Variants in RAB39A observed in about 807,000 individuals in gnomAD.
RAB39A encodes RAB39A, member RAS oncogene family, also known as ras-related protein Rab-39A.
Under a neutral mutation model 20.9 loss-of-function variants are expected in RAB39A, and 17 were observed. The observed-to-expected ratio is 0.81, with a 90% CI of 0.56 to 1.22. The LOEUF (loss-of-function observed/expected upper bound fraction) is 1.22. Ranked by LOEUF, RAB39A falls within the 50% of genes most tolerant of loss-of-function variation. RAB39A has a pLI of 0.00. For missense variants in RAB39A, 234 were observed against 270.5 expected, an observed-to-expected ratio of 0.87 and a Z score of 0.95; for synonymous variants, 99 against 103.4, an observed-to-expected ratio of 0.96 and a Z score of 0.26.
chr11:107,939,086 A>G (rs994049658), intron 1 of RAB39A, among the ~76,000 whole-genome samples: 7 of 151,776 alleles, frequency 4.6e-5, no homozygotes, highest in Admixed American at 4.6e-4. Flanking sequence ...TACTAAAAAT[A>G]GAAAAAAATT....
At position 107,962,226 on chromosome 11, in the gene RAB39A, A is replaced by G. The variant is rs774659501; in HGVS notation, c.508A>G (p.Ile170Val). ...DATNVEESFTILTRDIYELIK... is the reference protein window; with the variant it reads ...DATNVEESFTVLTRDIYELIK... The stretch of plus-strand genomic sequence containing the variant: ...TACAAATGTTGAAGAATCCTTCACA[A>G]TCTTGACGAGAGACATATATGAACT... Residue 170 changes from isoleucine to valine, a missense_variant, in exon 2 of 2, where the codon ATC (isoleucine) becomes GTC (valine). Ile to Val is a conservative substitution (Grantham distance 29, BLOSUM62 3). Transcript: ENST00000320578. 2.0e-5 allele frequency: 32 copies of G among 1,613,924 alleles called. No homozygotes were observed. In the Admixed American group the frequency reaches 2.0e-4, roughly 10 times the overall value.
Position 107,933,853 on chromosome 11 carries a change from A to G in RAB39A, c.227+5058A>G, listed in dbSNP as rs1230685538. On this transcript the variant is annotated intron_variant, in intron 1 of 1. Transcript: ENST00000320578. ...GTACTTTTAGTAGAGACGAGGTTTCACCATATTGGCCAGGCTGGTCTCGAA... is the reference window on the plus strand; with the variant it reads ...GTACTTTTAGTAGAGACGAGGTTTCGCCATATTGGCCAGGCTGGTCTCGAA... 4.7e-5 allele frequency among the ~76,000 whole-genome samples: 7 copies of G among 147,524 alleles called. No homozygotes were observed. The East Asian group carries it at 1.0e-3, about 22-fold the overall frequency.
chr11:107,946,304 G>T (rs1861306949), intron 1 of RAB39A, among the ~76,000 whole-genome samples: 1 of 89,590 alleles, frequency 1.1e-5, no homozygotes, highest in East Asian at 3.2e-4. Flanking sequence ...AAAGGAACAG[G>T]ATACTATATA....
rs182666758 is a variant in RAB39A, at chr11:107,941,100, C to G, written c.227+12305C>G. 2.0e-5 allele frequency among the ~76,000 whole-genome samples: 3 copies of G among 151,846 alleles called. No homozygotes were observed. In the East Asian group the frequency reaches 5.8e-4, roughly 29 times the overall value. On this transcript the variant is annotated intron_variant, in intron 1 of 1. Transcript: ENST00000320578. ...ATACGTTCTCAAATTATAGGCATTG[C>G]GTATCATTTTTCTTTACAGTAGCAT...
intron 1 of RAB39A, among the ~76,000 whole-genome samples, chr11:107,936,583 T>A (rs987044192): frequency 6.6e-6 from 1 of 152,252 alleles, no homozygotes; most frequent in Non-Finnish European, 1.5e-5. Flanking sequence ...AGAGACTTTT[T>A]AAAATCTCTA....
chr11:107,935,378 C>CTTT (rs1160701453), intron 1 of RAB39A, among the ~76,000 whole-genome samples: 2 of 142,356 alleles, frequency 1.4e-5, no homozygotes, highest in Non-Finnish European at 3.1e-5. Flanking sequence ...CTTTCTTCTT[C>CTTT]TTTTTTTTTT....
chr11:107,961,746 C>T (rs1208696958), intron 1 of RAB39A, among the ~76,000 whole-genome samples, 200 bp from the exon 2 acceptor site: 2 of 152,168 alleles, frequency 1.3e-5, no homozygotes, highest in Non-Finnish European at 2.9e-5. Context: ...CTACTACTTT[C>T]GTGTTCTGTC....
chr11:107,933,789 T>A (rs758199847), intron 1 of RAB39A, among the ~76,000 whole-genome samples: 11 of 151,236 alleles, frequency 7.3e-5, no homozygotes, highest in Non-Finnish European at 1.0e-4. Context: ...GCCTCCTGAG[T>A]AGCTGGGATT....
chr11:107,962,109 T>C lies in RAB39A; in HGVS notation c.391T>C (p.Leu131=). Residue 131 remains leucine (L), a synonymous_variant, in exon 2 of 2, where the codon TTA becomes CTA. Coordinates refer to ENST00000320578, the MANE Select transcript of RAB39A (RefSeq NM_017516.3). The part of the protein sequence containing the change: ...VFLLVGHKCD[L]ASQRQVTREE... ...TCTGCTAGTGGGACATAAATGTGATTTAGCTTCACAACGTCAAGTTACAAG... is the reference window on the plus strand; with the variant it reads ...TCTGCTAGTGGGACATAAATGTGATCTAGCTTCACAACGTCAAGTTACAAG... 6.2e-7 allele frequency: 1 copy of C among 1,614,140 alleles called. No individual in the cohort carries two copies. The highest frequency in any genetic ancestry group is 8.5e-7 in the Non-Finnish European group (1 of 1,180,004).
chr11:107,949,308 A>T (rs111480923), intron 1 of RAB39A, among the ~76,000 whole-genome samples: 3 of 151,232 alleles, frequency 2.0e-5, no homozygotes, highest in African/African-American at 7.3e-5. Flanking sequence ...GACTCCATCT[A>T]AAAAAAAATA....
intron 1 of RAB39A, among the ~76,000 whole-genome samples, chr11:107,944,455 A>G (rs943903418): frequency 6.6e-6 from 1 of 152,074 alleles, no homozygotes; most frequent in African/African-American, 2.4e-5. Context: ...CAAAGAAAGA[A>G]AATAATCTCG....
chr11:107,946,426 G>A (rs1473497305), intron 1 of RAB39A, among the ~76,000 whole-genome samples: 2 of 21,474 alleles, frequency 9.3e-5, no homozygotes, highest in African/African-American at 1.5e-4. Flanking sequence ...GTGTGTGTGT[G>A]TGTGTGTGTG....
rs376440567 is a variant in RAB39A at position 107,936,933 on chromosome 11, C to CAA, written c.227+8138_227+8139insAA. On this transcript the variant is annotated intron_variant, in intron 1 of 1. Transcript: ENST00000320578. ...TGGGTGACAGAGCGAGACTCCCCCT[C>CAA]CAAAAAAAAAAAAACAAATGAAGAA... is the stretch of plus-strand genomic sequence containing the variant. Among the ~76,000 whole-genome samples, 196 of 123,188 alleles carry CAA rather than the reference C, an allele frequency of 1.6e-3. 6 individuals are homozygous for CAA. Among genetic ancestry groups the CAA allele is most frequent in the East Asian group, 0.014 (63 of 4,652 alleles). The allele number at this position is 123,188 out of a possible 152,430, so 80.8% of individuals were successfully genotyped here.
intron 1 of RAB39A, among the ~76,000 whole-genome samples, chr11:107,944,655 G>A (rs754254721): frequency 6.6e-6 from 1 of 152,030 alleles, no homozygotes; most frequent in Non-Finnish European, 1.5e-5. Context: ...AACGTGCTGG[G>A]ATTATAGCCG....
intron 1 of RAB39A, among the ~76,000 whole-genome samples, chr11:107,949,225 T>G (rs1230717603): frequency 6.6e-6 from 1 of 151,868 alleles, no homozygotes; most frequent in South Asian, 2.1e-4. Context: ...GCAGGAGAAT[T>G]GCTTGAACCT....
chr11:107,957,347 C>G (rs1477620710), intron 1 of RAB39A, among the ~76,000 whole-genome samples: 1 of 152,058 alleles, frequency 6.6e-6, no homozygotes. Flanking sequence ...TTTTTTACAA[C>G]AGGGGTTGGG....
At chr11:107,941,617 G>T (rs76708922) in intron 1 of RAB39A, among the ~76,000 whole-genome samples, 1 of 152,116 alleles carries the variant, frequency 6.6e-6, no homozygotes, top group African/African-American at 2.4e-5. Flanking sequence ...ATCATATAAA[G>T]TATTAGCACT....
intron 1 of RAB39A, among the ~76,000 whole-genome samples, chr11:107,941,245 G>T (rs1861255748): frequency 6.6e-6 from 1 of 152,058 alleles, no homozygotes; most frequent in Non-Finnish European, 1.5e-5. Flanking sequence ...TACACATTGT[G>T]AACCCCCAAG....
At chr11:107,951,061 A>G (rs1861373508) in intron 1 of RAB39A, among the ~76,000 whole-genome samples, 1 of 152,220 alleles carries the variant, frequency 6.6e-6, no homozygotes, top group Non-Finnish European at 1.5e-5. Flanking sequence ...GGCCTCTACA[A>G]CCACAGACTT....
Sources: allele counts gnomAD v4.1 joint callset (sites outside exome capture counted in the v4.1 genomes callset), GRCh38; gene constraint gnomAD v4.1.1; transcripts MANE v1.5; gene names NCBI Gene and HGNC (gene_info 2026-07-23, HGNC 2026-07-21).